GSK3B: variants seen among roughly 807,000 people sequenced by gnomAD.
The protein encoded by GSK3B is glycogen synthase kinase-3 beta.
A neutral mutation model predicts 56.4 loss-of-function variants in GSK3B; 15 were observed. The observed-to-expected ratio is 0.27, with a 90% CI of 0.18 to 0.41. The LOEUF is 0.41. GSK3B is among the 10% of genes least tolerant of loss of function. The pLI, the probability that GSK3B is intolerant of heterozygous loss-of-function variation, is 1.00. For synonymous variants in GSK3B, 181 were observed against 188.9 expected, an observed-to-expected ratio of 0.96 and a Z score of 0.34; for missense variants, 300 against 513.4, an observed-to-expected ratio of 0.58 and a Z score of 4.02.
chr3:119,878,687 C>T (rs1366118100), intron 7 of GSK3B, among the ~76,000 whole-genome samples: 1 of 151,856 alleles, frequency 6.6e-6, no homozygotes, highest in Non-Finnish European at 1.5e-5. Flanking sequence ...TTTTTAACTG[C>T]TAAACAGTAG....
At chr3:120,044,160 G>A (rs756433763) in intron 1 of GSK3B, among the ~76,000 whole-genome samples, 48 of 152,172 alleles carry the variant, frequency 3.2e-4, no homozygotes, top group Non-Finnish European at 1.2e-4. Context: ...ATCATGCCAA[G>A]CTCTCTCCCT....
At chr3:120,031,273 A>C (rs962450876) in intron 1 of GSK3B, among the ~76,000 whole-genome samples, 1 of 152,248 alleles carries the variant, frequency 6.6e-6, no homozygotes, top group Admixed American at 6.5e-5. Flanking sequence ...AATTTTCATT[A>C]ATAAAATAGT....
At chr3:119,999,308 C>T (rs1300196841) in intron 2 of GSK3B, among the ~76,000 whole-genome samples, 3 of 152,164 alleles carry the variant, frequency 2.0e-5, no homozygotes, top group Admixed American at 6.5e-5. Flanking sequence ...GGGCTTGATA[C>T]AGCGAGGATA....
At chr3:120,052,223 T>C (rs1216604794) in intron 1 of GSK3B, among the ~76,000 whole-genome samples, 1 of 152,174 alleles carries the variant, frequency 6.6e-6, no homozygotes, top group African/African-American at 2.4e-5. Flanking sequence ...AATAGTACAA[T>C]TTATTTGACA....
At chr3:120,040,739 G>A (rs1227331219) in intron 1 of GSK3B, among the ~76,000 whole-genome samples, 1 of 151,802 alleles carries the variant, frequency 6.6e-6, no homozygotes, top group East Asian at 1.9e-4. Context: ...ATAATAAAAG[G>A]TTAGAAAAGC....
chr3:119,857,356 C>A (rs763648325), intron 9 of GSK3B, among the ~76,000 whole-genome samples: 1 of 152,222 alleles, frequency 6.6e-6, no homozygotes, highest in Non-Finnish European at 1.5e-5. Flanking sequence ...CCCTCTCAAA[C>A]CCTGTCACCG....
chr3:119,948,141 C>T (rs573888059), intron 2 of GSK3B, among the ~76,000 whole-genome samples: 3 of 152,024 alleles, frequency 2.0e-5, no homozygotes, highest in Admixed American at 2.0e-4. Flanking sequence ...TTACATAACA[C>T]ACAGAAGCAA....
At position 119,968,910 on chromosome 3, in the gene GSK3B, C is replaced by T. The variant is rs74411296; in HGVS notation, c.283-21559G>A. ...AAAAGTCAACTGTATTCTCATATAT[C>T]AGGAACAATTGGCATTAAAATTAAA... On this transcript the variant is annotated intron_variant, in intron 2 of 10. Coordinates refer to ENST00000264235, the MANE Select transcript of GSK3B (RefSeq NM_001146156.2). 1.1e-4 allele frequency among the ~76,000 whole-genome samples: 16 copies of T among 152,260 alleles called. No individual in the cohort carries two copies. The East Asian group carries it at 3.1e-3, about 29-fold the overall frequency.
chr3:119,963,788 A>G (rs914853027), intron 2 of GSK3B, among the ~76,000 whole-genome samples: 2 of 152,138 alleles, frequency 1.3e-5, no homozygotes, highest in East Asian at 1.9e-4. Context: ...TTTTCAATAA[A>G]TGGTGTTGGA....
intron 1 of GSK3B, among the ~76,000 whole-genome samples, chr3:120,049,167 G>A (rs1483810204): frequency 1.3e-5 from 2 of 152,132 alleles, no homozygotes; most frequent in Non-Finnish European, 2.9e-5. Flanking sequence ...AATCTAGCAT[G>A]TCCCTAGATA....
At chr3:119,869,401 C>T (rs28540006) in intron 8 of GSK3B, among the ~76,000 whole-genome samples, 2,756 of 152,128 alleles carry the variant, frequency 0.018, 88 homozygotes, top group African/African-American at 0.063. Flanking sequence ...AGTAAAATTG[C>T]TATCTATGAA....
At chr3:119,898,597 G>A (rs2056593926) in intron 7 of GSK3B, among the ~76,000 whole-genome samples, 1 of 151,982 alleles carries the variant, frequency 6.6e-6, no homozygotes. Flanking sequence ...TTTTCCCGAA[G>A]GTACAAAATT....
intron 10 of GSK3B, among the ~76,000 whole-genome samples, chr3:119,836,087 G>C (rs2055686288): frequency 2.6e-5 from 4 of 152,062 alleles, no homozygotes. Context: ...TAAGACAAAG[G>C]GGCCACTAGC....
intron 1 of GSK3B, among the ~76,000 whole-genome samples, chr3:120,088,123 A>G (rs1398644148): frequency 6.6e-6 from 1 of 152,098 alleles, no homozygotes; most frequent in Non-Finnish European, 1.5e-5. Flanking sequence ...TGATCTCCTG[A>G]CCTCGTGATC....
chr3:119,900,205 A>G (rs944969178), intron 7 of GSK3B, among the ~76,000 whole-genome samples: 9 of 152,220 alleles, frequency 5.9e-5, no homozygotes, highest in Non-Finnish European at 1.3e-4. Context: ...TAGAGAAGAT[A>G]TACCCAAATT....
In GSK3B at chr3:119,926,369, C is replaced by T. The variant is rs114991082; in HGVS notation, c.367-2886G>A. On this transcript the variant is annotated intron_variant, in intron 3 of 10. Transcript: ENST00000264235. The stretch of plus-strand genomic sequence containing the variant: ...ACACACACACACCCCTATACCCACA[C>T]ATACACCCTCATATCCAAATGCCAG... Among the ~76,000 whole-genome samples the T allele has an allele frequency of 4.2e-3, 637 of 151,812 alleles. 1 individual carries two copies. Among genetic ancestry groups the T allele is most frequent in the African/African-American group, 0.015 (601 of 41,380 alleles).
chr3:119,944,431 T>C (rs796424463), intron 3 of GSK3B, among the ~76,000 whole-genome samples: 61 of 152,292 alleles, frequency 4.0e-4, no homozygotes, highest in African/African-American at 1.4e-3. Flanking sequence ...CAGGGTTCTT[T>C]TTACCGTTTT....
chr3:120,031,791 T>G (rs1171002895), intron 1 of GSK3B, among the ~76,000 whole-genome samples: 1 of 152,254 alleles, frequency 6.6e-6, no homozygotes, highest in Non-Finnish European at 1.5e-5. Context: ...GCACTGTCCA[T>G]GAGGAGATAA....
intron 9 of GSK3B, among the ~76,000 whole-genome samples, chr3:119,847,872 G>GTGTA (rs1273698590): frequency 3.3e-5 from 5 of 152,206 alleles, no homozygotes; most frequent in African/African-American, 1.2e-4. Context: ...GTGTCTGTAT[G>GTGTA]TGTATGTATG....
Sources: gnomAD v4.1 joint callset for allele counts (sites outside exome capture counted in the v4.1 genomes callset) on GRCh38, gnomAD v4.1.1 for gene constraint, MANE v1.5 for transcripts, NCBI Gene and HGNC (gene_info 2026-07-23, HGNC 2026-07-21) for gene names.